Variants in TLN2 observed in about 807,000 individuals in gnomAD.
TLN2 encodes talin-2.
Under a neutral mutation model 294.7 loss-of-function variants are expected in TLN2, and 118 were observed. The observed-to-expected ratio is 0.40, with a 90% CI of 0.34 to 0.47. The LOEUF is 0.47. Ranked by LOEUF, TLN2 falls within the 20% of genes least tolerant of loss-of-function variation. The pLI, the probability that TLN2 is intolerant of heterozygous loss-of-function variation, is 0.84. For synonymous variants in TLN2, 1,431 were observed against 1,304.5 expected (o/e 1.10, Z -2.09); for missense variants, 3,083 against 3,282.2 (o/e 0.94, Z 1.48).
intron 28 of TLN2, among the ~76,000 whole-genome samples, chr15:62,729,398 C>T (rs1307903409): frequency 1.3e-5 from 2 of 152,134 alleles, no homozygotes; most frequent in South Asian, 4.1e-4. Context: ...ATACTGTTTT[C>T]TTAAGCCAGT....
intron 55 of TLN2, chr15:62,835,023 A>G (rs1172874414): frequency 6.6e-6 from 1 of 152,166 alleles, no homozygotes; most frequent in Non-Finnish European, 1.5e-5. Flanking sequence ...GCAATCCCTG[A>G]TGTGGCCCTT....
intron 1 of TLN2, among the ~76,000 whole-genome samples, chr15:62,527,204 G>A (rs909537315): frequency 1.3e-5 from 2 of 152,056 alleles, no homozygotes; most frequent in South Asian, 2.1e-4. Context: ...GTCAAAATCC[G>A]AAGTCTTCTT....
intron 1 of TLN2, among the ~76,000 whole-genome samples, chr15:62,395,051 A>C (rs1314457263): frequency 2.6e-5 from 4 of 152,174 alleles, no homozygotes; most frequent in Non-Finnish European, 5.9e-5. Flanking sequence ...TTTTAGCTGC[A>C]GTTTTAACAA....
rs545356500 is a variant in TLN2, at chr15:62,767,818, T to A, written c.5196+1396T>A. Among the ~76,000 whole-genome samples, 27 of 152,360 alleles carry A rather than the reference T, an allele frequency of 1.8e-4. No individual in the cohort carries two copies. The South Asian group carries it at 5.6e-3, about 32-fold the overall frequency. On this transcript the variant is annotated intron_variant, in intron 41 of 58. Coordinates refer to ENST00000636159, the MANE Select transcript of TLN2 (RefSeq NM_015059.3). ...TGGACATTTTTTCAGCAGTTACTTT[T>A]GATTCCAGAACTTTTGTAATAGAAT...
At position 62,583,898 on chromosome 15, in the gene TLN2, G is replaced by GT. The variant is rs1430088839; in HGVS notation, c.-237-5781dup. 5.9e-5 allele frequency among the ~76,000 whole-genome samples: 9 copies of GT among 151,944 alleles called. No individual in the cohort carries two copies. In the East Asian group the frequency reaches 7.7e-4, roughly 13 times the overall value. On this transcript the variant is annotated intron_variant, in intron 1 of 58. Transcript: ENST00000636159. ...ACAATAAAGAATTCATGGCATCTCT[G>GT]TTTTTTTTGGTTGTGAAAAGCTCAT...
rs551899222 is a variant in TLN2 at position 62,835,306 on chromosome 15, C to T, written c.7129-431C>T. On this transcript the variant is annotated intron_variant, in intron 55 of 58. Transcript: ENST00000636159. The stretch of plus-strand genomic sequence containing the variant: ...CTTTTTTAACATCATCTGCCAGAAA[C>T]GCAGTGTGGTTTTCAGGGTCAGTAA... 5.3e-5 allele frequency: 10 copies of T among 188,986 alleles called. No homozygotes were observed. The East Asian group carries it at 6.7e-4, about 13-fold the overall frequency. The allele number at this position is 188,986 out of a possible 1,614,324, so 11.7% of individuals were successfully genotyped here.
chr15:62,568,543 A>G (rs1224471208), intron 1 of TLN2, among the ~76,000 whole-genome samples: 2 of 152,196 alleles, frequency 1.3e-5, no homozygotes, highest in Non-Finnish European at 1.5e-5. Flanking sequence ...TGCGTGGCCC[A>G]TGGGGAGTGC....
intron 1 of TLN2, among the ~76,000 whole-genome samples, chr15:62,404,807 T>A (rs1271116103): frequency 6.6e-6 from 1 of 152,162 alleles, no homozygotes; most frequent in Non-Finnish European, 1.5e-5. Flanking sequence ...TCAACACCTG[T>A]CACTCCTAGG....
At chr15:62,584,557 A>G (rs897606714) in intron 1 of TLN2, among the ~76,000 whole-genome samples, 1 of 152,204 alleles carries the variant, frequency 6.6e-6, no homozygotes, top group Non-Finnish European at 1.5e-5. Flanking sequence ...AAGTCAGTGC[A>G]GGGAAGCCAT....
chr15:62,568,480 A>T (rs1419178436), intron 1 of TLN2, among the ~76,000 whole-genome samples: 1 of 152,174 alleles, frequency 6.6e-6, no homozygotes. Context: ...GGAGTGATGA[A>T]CTCAAACTCA....
At chr15:62,456,883 A>G (rs56178739) in intron 1 of TLN2, among the ~76,000 whole-genome samples, 29,504 of 152,012 alleles carry the variant, frequency 0.19, 3,061 homozygotes, top group Non-Finnish European at 0.22. Flanking sequence ...GGGGCGGTTC[A>G]GGGCTCCTTG....
At chr15:62,684,887 GCT>G (rs1331101942) in intron 11 of TLN2, among the ~76,000 whole-genome samples, 1 of 149,010 alleles carries the variant, frequency 6.7e-6, no homozygotes, top group African/African-American at 2.5e-5. Flanking sequence ...GTATGTTCCA[GCT>G]CTGTTTTATG....
chr15:62,484,203 A>G (rs1055997067), intron 1 of TLN2, among the ~76,000 whole-genome samples: 2 of 152,154 alleles, frequency 1.3e-5, no homozygotes, highest in Non-Finnish European at 2.9e-5. Context: ...GATGAAGTGA[A>G]TTGGACTTGG....
intron 2 of TLN2, among the ~76,000 whole-genome samples, chr15:62,613,464 A>G (rs2048075436): frequency 6.6e-6 from 1 of 152,210 alleles, no homozygotes; most frequent in Non-Finnish European, 1.5e-5. Context: ...GAACTCATGT[A>G]CACTGCTGGT....
intron 3 of TLN2, among the ~76,000 whole-genome samples, chr15:62,624,391 C>T (rs1380684233): frequency 6.6e-6 from 1 of 152,218 alleles, no homozygotes; most frequent in Admixed American, 6.5e-5. Context: ...GACTGAATCC[C>T]ATCCTAGGTC....
intron 1 of TLN2, among the ~76,000 whole-genome samples, chr15:62,481,801 T>TC (rs1246639649): frequency 3.1e-5 from 4 of 128,362 alleles, no homozygotes; most frequent in African/African-American, 1.0e-4. Context: ...TTTCTTTCTT[T>TC]TTTTTTTTTT....
At chr15:62,746,563 A>C (rs1210717413) in intron 32 of TLN2, among the ~76,000 whole-genome samples, 1 of 152,216 alleles carries the variant, frequency 6.6e-6, no homozygotes. Flanking sequence ...CTCCTCATCA[A>C]ATAATTAAGC....
At chr15:62,428,725 C>T (rs1256063718) in intron 1 of TLN2, among the ~76,000 whole-genome samples, 5 of 152,190 alleles carry the variant, frequency 3.3e-5, no homozygotes, top group Admixed American at 2.6e-4. Context: ...GCATGTGAAA[C>T]CTGGCAGGTA....
At chr15:62,805,568 A>T in intron 50 of TLN2, 32 bp from the exon 51 acceptor site, 4 of 1,546,552 alleles carry the variant, frequency 2.6e-6, no homozygotes, top group Admixed American at 2.0e-5. Flanking sequence ...TTCCTTTTTG[A>T]TTTTTTTAAC....
Sources: gnomAD v4.1 joint callset for allele counts (sites outside exome capture counted in the v4.1 genomes callset) on GRCh38, gnomAD v4.1.1 for gene constraint, MANE v1.5 for transcripts, NCBI Gene and HGNC (gene_info 2026-07-23, HGNC 2026-07-21) for gene names.